FLRT2: variants seen among roughly 807,000 people sequenced by gnomAD.
FLRT2 encodes fibronectin leucine rich transmembrane protein 2.
A neutral mutation model predicts 40.0 loss-of-function variants in FLRT2; 15 were observed. The observed-to-expected ratio is 0.38, with a 90% CI of 0.25 to 0.58. The LOEUF (loss-of-function observed/expected upper bound fraction) is 0.58, where lower values mean the gene tolerates loss of function less well. Among genes scored for constraint, FLRT2 ranks in the 20% least tolerant of loss-of-function variants. The probability of loss-of-function intolerance (pLI) is 0.71; values close to 1 mark genes in which losing one functional copy is unlikely to be tolerated. For synonymous variants in FLRT2, 380 were observed against 336.8 expected (o/e 1.13, Z -1.41); for missense variants, 726 against 840.0 (o/e 0.86, Z 1.68).
At chr14:85,580,550 T>C (rs1347666549) in intron 1 of FLRT2, among the ~76,000 whole-genome samples, 3 of 152,188 alleles carry the variant, frequency 2.0e-5, no homozygotes, top group Non-Finnish European at 4.4e-5. Context: ...CTTAATAGAG[T>C]TTCGTTAAAG....
At chr14:85,606,436 C>T (rs887815293) in intron 1 of FLRT2, among the ~76,000 whole-genome samples, 2 of 151,972 alleles carry the variant, frequency 1.3e-5, no homozygotes, top group Non-Finnish European at 2.9e-5. Context: ...ATTTACTACA[C>T]AGTGTGGCCA....
chr14:85,617,387 C>T (rs1371481417), intron 1 of FLRT2, among the ~76,000 whole-genome samples: 2 of 152,096 alleles, frequency 1.3e-5, no homozygotes, highest in East Asian at 3.9e-4. Context: ...GAGTTAGGAA[C>T]TATTATTATC....
At chr14:85,617,035 G>T (rs1415797195) in intron 1 of FLRT2, among the ~76,000 whole-genome samples, 1 of 152,020 alleles carries the variant, frequency 6.6e-6, no homozygotes, top group Non-Finnish European at 1.5e-5. Context: ...GGTGTGTGTA[G>T]ATCATCGGTT....
chr14:85,541,028 G>A (rs1413265599), intron 1 of FLRT2, among the ~76,000 whole-genome samples: 1 of 152,132 alleles, frequency 6.6e-6, no homozygotes, highest in African/African-American at 2.4e-5. Flanking sequence ...TATGGTTATA[G>A]CCTGAAGCTA....
At chr14:85,585,344 A>G (rs1194372829) in intron 1 of FLRT2, among the ~76,000 whole-genome samples, 1 of 152,160 alleles carries the variant, frequency 6.6e-6, no homozygotes, top group Admixed American at 6.5e-5. Flanking sequence ...ATCCCAGACT[A>G]TTCTTTTTCA....
chr14:85,538,296 T>C (rs1267741286), intron 1 of FLRT2, among the ~76,000 whole-genome samples: 1 of 152,144 alleles, frequency 6.6e-6, no homozygotes, highest in Non-Finnish European at 1.5e-5. Context: ...AAAGGACACG[T>C]TGATGATTCT....
chr14:85,559,763 A>G (rs1269912757), intron 1 of FLRT2, among the ~76,000 whole-genome samples: 1 of 152,052 alleles, frequency 6.6e-6, no homozygotes, highest in East Asian at 1.9e-4. Flanking sequence ...TCTGGGACTC[A>G]CTGCTCTTAC....
intron 1 of FLRT2, among the ~76,000 whole-genome samples, chr14:85,606,757 T>A (rs1218758020): frequency 6.6e-6 from 1 of 150,848 alleles, no homozygotes; most frequent in Non-Finnish European, 1.5e-5. Context: ...TCTCCTGACC[T>A]CGTCATCTGC....
intron 1 of FLRT2, among the ~76,000 whole-genome samples, chr14:85,597,013 G>A (rs527296637): frequency 2.6e-5 from 4 of 151,994 alleles, no homozygotes; most frequent in East Asian, 1.9e-4. Flanking sequence ...ATTTTATTGC[G>A]TTGAGATGAA....
intron 1 of FLRT2, among the ~76,000 whole-genome samples, chr14:85,607,739 G>A (rs147610731): frequency 6.6e-6 from 1 of 152,290 alleles, no homozygotes; most frequent in East Asian, 1.9e-4. Context: ...CTTGTCTTAT[G>A]TATTATGCAT....
intron 1 of FLRT2, among the ~76,000 whole-genome samples, chr14:85,609,491 T>G (rs1258020142): frequency 6.6e-6 from 1 of 152,188 alleles, no homozygotes; most frequent in Non-Finnish European, 1.5e-5. Context: ...CGTAGCCACC[T>G]GCAAAGGTAG....
rs762776914 is a variant in FLRT2 at position 85,647,519 on chromosome 14, T to C, written c.*24022T>C. The C allele has an allele frequency of 6.6e-6, 1 of 152,192 alleles. No homozygotes were observed. The highest frequency in any genetic ancestry group is 1.5e-5 in the Non-Finnish European group (1 of 68,032). 9.4% of individuals were successfully genotyped at this position (152,192 alleles called of 1,614,324 possible). A position where few individuals can be genotyped will look rare whatever the true frequency, so the allele number is the denominator to read the frequency against. ...AGTCTTACTAGTCAATGGAAGAATG[T>C]TTCTCTTCCAAGAGGACACAACAAT... On this transcript the variant is annotated 3_prime_UTR_variant, in exon 2 of 2. Coordinates refer to ENST00000330753, the MANE Select transcript of FLRT2 (RefSeq NM_013231.6).
intron 1 of FLRT2, among the ~76,000 whole-genome samples, chr14:85,581,969 C>T (rs188628825): frequency 7.4e-4 from 112 of 152,314 alleles, no homozygotes; most frequent in African/African-American, 2.6e-3. Context: ...CTCTGGTTGA[C>T]AGCTGTGTCT....
At chr14:85,563,133 A>G (rs1289593124) in intron 1 of FLRT2, 1 of 151,938 alleles carries the variant, frequency 6.6e-6, no homozygotes, top group Non-Finnish European at 1.5e-5. Context: ...AACACATACT[A>G]AGTTTGAGAA....
At chr14:85,554,584 C>T (rs1258661805) in intron 1 of FLRT2, among the ~76,000 whole-genome samples, 1 of 152,134 alleles carries the variant, frequency 6.6e-6, no homozygotes, top group African/African-American at 2.4e-5. Flanking sequence ...TTCAGCTCAC[C>T]TGATAGGGTT....
intron 1 of FLRT2, among the ~76,000 whole-genome samples, chr14:85,589,207 A>T (rs1891773018): frequency 6.6e-6 from 1 of 152,204 alleles, no homozygotes. Context: ...CACAGTGGTT[A>T]TGCTAACCTG....
chr14:85,555,310 A>G (rs1178121629), intron 1 of FLRT2, among the ~76,000 whole-genome samples: 2 of 152,186 alleles, frequency 1.3e-5, no homozygotes, highest in African/African-American at 4.8e-5. Context: ...GTCTGTTTTC[A>G]TGCTGCTGAT....
rs1207868398 is a variant in FLRT2 at position 85,624,393 on chromosome 14, G to C, written c.*896G>C. ...GGCTAATAAAGGGAAGAATTATATT[G>C]AATGGAATTATTTTTGATAATGAGA... is the stretch of plus-strand genomic sequence containing the variant. On this transcript the variant is annotated 3_prime_UTR_variant, in exon 2 of 2. Transcript: ENST00000330753. The C allele has an allele frequency of 1.2e-5, 2 of 167,008 alleles. No homozygotes were observed. The highest frequency in any genetic ancestry group is 4.8e-5 in the African/African-American group (2 of 41,442). The allele number at this position is 167,008 out of a possible 1,614,324, so 10.3% of individuals were successfully genotyped here.
At chr14:85,567,927 C>T (rs993862330) in intron 1 of FLRT2, among the ~76,000 whole-genome samples, 2 of 151,968 alleles carry the variant, frequency 1.3e-5, no homozygotes, top group Non-Finnish European at 2.9e-5. Context: ...CGTGAGCCAC[C>T]GCGCAAGGCC....
Sources: allele counts gnomAD v4.1 joint callset (sites outside exome capture counted in the v4.1 genomes callset), GRCh38; gene constraint gnomAD v4.1.1; transcripts MANE v1.5; gene names NCBI Gene and HGNC (gene_info 2026-07-23, HGNC 2026-07-21).